CASP6: variants seen among roughly 807,000 people sequenced by gnomAD.
The protein encoded by CASP6 is caspase-6.
A neutral mutation model predicts 31.8 loss-of-function variants in CASP6; 20 were observed. The ratio of observed to expected loss-of-function variants is 0.63; its 90% CI spans 0.44 to 0.91. The LOEUF is 0.91. Ranked by LOEUF, CASP6 falls within the 40% of genes least tolerant of loss-of-function variation. The pLI, the probability that CASP6 is intolerant of heterozygous loss-of-function variation, is 0.00. For synonymous variants in CASP6, 130 were observed against 127.8 expected (o/e 1.02, Z -0.12); for missense variants, 328 against 361.1 (o/e 0.91, Z 0.74).
chr4:109,669,699 T>G, the CASP6 span, among the ~76,000 whole-genome samples: 32 of 128,306 alleles, frequency 2.5e-4, no homozygotes, highest in African/African-American at 1.0e-3. Context: ...TCTGTTCTGG[T>G]TTTTTTTTTT....
At chr4:109,669,323 G>T in the CASP6 span, among the ~76,000 whole-genome samples, 116,048 of 152,102 alleles carry the variant, frequency 0.76, 45,287 homozygotes, top group African/African-American at 0.94. Context: ...TTTTTTTCTC[G>T]GAATGCTAAA....
upstream of CASP6, among the ~76,000 whole-genome samples, chr4:109,705,635 A>G (rs1730576933): frequency 6.6e-6 from 1 of 152,102 alleles, no homozygotes; most frequent in African/African-American, 2.4e-5. Flanking sequence ...ATATCCACTT[A>G]CGGTATGTAA....
At chr4:109,703,148 G>C (rs1730479705) in intron 1 of CASP6, among the ~76,000 whole-genome samples, 1 of 152,146 alleles carries the variant, frequency 6.6e-6, no homozygotes, top group Admixed American at 6.5e-5. Context: ...CCAGGTCCCC[G>C]AGTGTTTCTT....
At chr4:109,705,316 C>A (rs1202185186), upstream of CASP6, among the ~76,000 whole-genome samples, 1 of 152,194 alleles carries the variant, frequency 6.6e-6, no homozygotes, top group Non-Finnish European at 1.5e-5. Context: ...AGCTCTAGTG[C>A]TCAGAAGAAA....
At chr4:109,673,836 A>G in the CASP6 span, 2 of 736,296 alleles carry the variant, frequency 2.7e-6, no homozygotes, top group Admixed American at 1.9e-5. Context: ...TTCTTCAAGC[A>G]ATCACTATGT....
At chr4:109,673,636 G>A in the CASP6 span, among the ~76,000 whole-genome samples, 1 of 152,148 alleles carries the variant, frequency 6.6e-6, no homozygotes, top group Admixed American at 6.5e-5. Context: ...CAAATTTGGA[G>A]TTTTCAAAAA....
chr4:109,699,712 C>T (rs1404480382), intron 1 of CASP6, among the ~76,000 whole-genome samples: 1 of 152,190 alleles, frequency 6.6e-6, no homozygotes, highest in Admixed American at 6.5e-5. Flanking sequence ...ACTGGTCCTC[C>T]CCGCTGCATG....
chr4:109,703,572 A>G (rs1395949239), upstream of CASP6: 4 of 765,638 alleles, frequency 5.2e-6, no homozygotes, highest in African/African-American at 1.8e-5. Context: ...GGTCCTTCCC[A>G]GAGTTAAAGC....
At chr4:109,686,288 G>A (rs1339448922), downstream of CASP6, among the ~76,000 whole-genome samples, 3 of 151,956 alleles carry the variant, frequency 2.0e-5, no homozygotes, top group Non-Finnish European at 2.9e-5. Flanking sequence ...ATAGGCGCCC[G>A]CCACCACACC....
chr4:109,682,517 A>C, the CASP6 span: 19 of 1,369,580 alleles, frequency 1.4e-5, no homozygotes, highest in Non-Finnish European at 1.9e-5. Flanking sequence ...TTGGGGACCG[A>C]AAGATTTACA....
intron 5 of CASP6, chr4:109,691,909 TCCTC>T (rs1195446772): frequency 6.6e-6 from 1 of 151,948 alleles, no homozygotes; most frequent in African/African-American, 2.4e-5. Flanking sequence ...AAGAAACCAA[TCCTC>T]CCCACACGTT....
chr4:109,665,934 A>G, the CASP6 span, among the ~76,000 whole-genome samples: 5 of 151,856 alleles, frequency 3.3e-5, no homozygotes, highest in African/African-American at 4.8e-5. Context: ...AGAGGAGTGA[A>G]AAAAGGGGGA....
downstream of CASP6, among the ~76,000 whole-genome samples, chr4:109,686,988 G>T (rs1302794899): frequency 2.0e-5 from 3 of 151,382 alleles, no homozygotes; most frequent in African/African-American, 7.3e-5. Flanking sequence ...AATATTAAGT[G>T]GAAAACCATT....
chr4:109,667,009 T>TTG, the CASP6 span, among the ~76,000 whole-genome samples: 2 of 152,208 alleles, frequency 1.3e-5, no homozygotes, highest in African/African-American at 4.8e-5. Context: ...CTGAGGATTT[T>TTG]TGTGTCTATA....
At chr4:109,706,704 C>T (rs1730627800), upstream of CASP6, among the ~76,000 whole-genome samples, 1 of 152,056 alleles carries the variant, frequency 6.6e-6, no homozygotes, top group African/African-American at 2.4e-5. Flanking sequence ...GCCAGGAGTT[C>T]GAGCCCAGAC....
chr4:109,677,800 A>G, the CASP6 span, among the ~76,000 whole-genome samples: 6 of 118,980 alleles, frequency 5.0e-5, no homozygotes, highest in African/African-American at 2.2e-4. Flanking sequence ...ATAAGGAAAC[A>G]AATTTTTTTT....
chr4:109,688,352 C>CTGTT (rs932017318), downstream of CASP6: 4 of 152,204 alleles, frequency 2.6e-5, no homozygotes, highest in South Asian at 2.1e-4. Flanking sequence ...GACTGTTGGA[C>CTGTT]TGTTTGTAGG....
intron 5 of CASP6, among the ~76,000 whole-genome samples, chr4:109,693,170 T>C (rs1369101734): frequency 6.6e-6 from 1 of 152,196 alleles, no homozygotes; most frequent in Non-Finnish European, 1.5e-5. Flanking sequence ...TCCACCATAA[T>C]TGTAAGCTTC....
chr4:109,674,773 A>G, the CASP6 span, among the ~76,000 whole-genome samples: 1 of 152,264 alleles, frequency 6.6e-6, no homozygotes, highest in Non-Finnish European at 1.5e-5. Flanking sequence ...CTGCTGATAT[A>G]TTAGAATAAT....
Sources: allele counts gnomAD v4.1 joint callset (sites outside exome capture counted in the v4.1 genomes callset), GRCh38; gene constraint gnomAD v4.1.1; transcripts MANE v1.5; gene names NCBI Gene and HGNC (gene_info 2026-07-23, HGNC 2026-07-21).